Variants in OFD1 observed in about 807,000 individuals in gnomAD.
OFD1 encodes the protein OFD1 centriole and centriolar satellite protein.
Under a neutral mutation model 81.4 loss-of-function variants are expected in OFD1, and 12 were observed. The observed-to-expected ratio is 0.15, with a 90% confidence interval of 0.09 to 0.24. OFD1 has a LOEUF of 0.24. Among genes scored for constraint, OFD1 ranks in the 10% least tolerant of loss-of-function variants. The pLI is 1.00. For missense variants in OFD1, 685 were observed against 733.9 expected (o/e 0.93, Z 0.77); for synonymous variants, 256 against 263.7 (o/e 0.97, Z 0.28).
Position 13,769,155 on chromosome X carries a change from G to C in OFD1, c.*47G>C, listed in dbSNP as rs202080584. Reference sequence around the variant, plus strand: ...TAACTTACATACCGTGAGAAGTTACGTAACATTTACTCCTTTGTAAATGTT... The same window carrying C: ...TAACTTACATACCGTGAGAAGTTACCTAACATTTACTCCTTTGTAAATGTT... On this transcript the variant is annotated 3_prime_UTR_variant, in exon 23 of 23. Transcript: ENST00000340096. The C allele has an allele frequency of 1.0e-5, 10 of 993,995 alleles. No individual in the cohort carries two copies. Among genetic ancestry groups the C allele is most frequent in the African/African-American group, 7.5e-5 (4 of 53,037 alleles). The allele number at this position is 993,995 out of a possible 1,213,427, so 81.9% of individuals were successfully genotyped here. A position where few individuals can be genotyped will look rare whatever the true frequency, so the allele number is the denominator to read the frequency against.
At chrX:13,768,596 TAA>T (rs928666787) in intron 21 of OFD1, 120 bp from the exon 22 acceptor site, 4 of 598,983 alleles carry the variant, frequency 6.7e-6, no homozygotes, top group Non-Finnish European at 1.1e-5. Context: ...ATTTCATGTT[TAA>T]AAGTCACCTC....
intron 5 of OFD1, chrX:13,740,269 T>G: frequency 3.0e-6 from 2 of 672,150 alleles, no homozygotes; most frequent in Non-Finnish European, 4.1e-6. Context: ...TCTCTGTGAT[T>G]ATGGAAATGT....
chrX:13,716,201 T>C, the OFD1 span: 176 of 841,144 alleles, frequency 2.1e-4, no homozygotes, highest in Non-Finnish European at 2.2e-4. Context: ...GATGGAAAAG[T>C]TGAATATATA....
intron 18 of OFD1, among the ~76,000 whole-genome samples, chrX:13,763,099 T>G (rs1403941483): frequency 8.9e-6 from 1 of 112,718 alleles, no homozygotes; most frequent in Admixed American, 9.4e-5. Context: ...ATATACTGAT[T>G]CAGTTGATTG....
In OFD1 at chrX:13,746,803, G is replaced by A. The variant is rs2047314719; in HGVS notation, c.678G>A (p.Glu226=). 1.2e-5 allele frequency: 15 copies of A among 1,200,939 alleles called. No homozygotes were observed. The highest frequency in any genetic ancestry group is 1.7e-5 in the Non-Finnish European group (15 of 888,218). Residue 226 remains glutamate, a synonymous_variant, in exon 8 of 23, where the codon GAG becomes GAA. Coordinates refer to ENST00000340096, the MANE Select transcript of OFD1 (RefSeq NM_003611.3). Reference sequence around the variant, plus strand: ...AGTTGAAGTTTTTTAAAGATACCGAGATAGCAAAAATTAAAATGGAAGCAA... The same window carrying A: ...AGTTGAAGTTTTTTAAAGATACCGAAATAGCAAAAATTAAAATGGAAGCAA... ...CQKLKFFKDT[E]IAKIKMEAKK...
chrX:13,735,196 C>A lies in OFD1; in HGVS notation c.13-52C>A, dbSNP rs1886420175. 3 of 1,193,239 alleles carry A rather than the reference C, an allele frequency of 2.5e-6. No homozygotes were observed. In the East Asian group the frequency reaches 8.9e-5, roughly 35 times the overall value. On this transcript the variant is annotated intron_variant, in intron 1 of 22. Coordinates refer to ENST00000340096, the MANE Select transcript of OFD1 (RefSeq NM_003611.3). ...CGGAGGCCACTGGTCTGTTTTCAGA[C>A]GTTCACGTTCCCTCTGCCCCGCAGG...
the OFD1 span, among the ~76,000 whole-genome samples, chrX:13,726,884 T>G: frequency 1.8e-5 from 2 of 111,707 alleles, no homozygotes; most frequent in African/African-American, 6.5e-5. Flanking sequence ...AAGACACACA[T>G]AGGCTCAAAA....
At chrX:13,771,000 T>C (rs566837532), downstream of OFD1, 3 of 112,646 alleles carry the variant, frequency 2.7e-5, no homozygotes, top group East Asian at 8.3e-4. Flanking sequence ...TCCACCTAAA[T>C]AGATCTTTAA....
In OFD1 at chrX:13,753,576, T is replaced by C. The variant is rs2047584710; in HGVS notation, c.1129+135T>C. 1.8e-5 allele frequency: 10 copies of C among 558,199 alleles called. No homozygotes were observed. The East Asian group carries it at 3.8e-4, about 21-fold the overall frequency. The allele number at this position is 558,199 out of a possible 1,213,427, so 46.0% of individuals were successfully genotyped here. A position where few individuals can be genotyped will look rare whatever the true frequency, so the allele number is the denominator to read the frequency against. On this transcript the variant is annotated intron_variant, in intron 11 of 22. Coordinates refer to ENST00000340096, the MANE Select transcript of OFD1 (RefSeq NM_003611.3). ...TTCATACAAAATTACACATTTTTTG[T>C]AATTTTAATTTTATAAATTAAAAAT...
chrX:13,723,613 T>G, the OFD1 span, among the ~76,000 whole-genome samples: 1 of 112,080 alleles, frequency 8.9e-6, no homozygotes, highest in Non-Finnish European at 1.9e-5. Context: ...ACTGTGTATG[T>G]ATGGTCTGCT....
intron 19 of OFD1, among the ~76,000 whole-genome samples, chrX:13,764,107 C>T (rs952695294): frequency 9.0e-6 from 1 of 111,671 alleles, no homozygotes; most frequent in Non-Finnish European, 1.9e-5. Flanking sequence ...CTTCCCAGGC[C>T]AGTTGCTTAA....
At chrX:13,728,324 C>T in the OFD1 span, among the ~76,000 whole-genome samples, 787 of 111,756 alleles carry the variant, frequency 7.0e-3, 4 homozygotes, top group African/African-American at 0.023. Context: ...CCAATATCCC[C>T]GATGAACATT....
chrX:13,759,526 C>T (rs746414281), intron 15 of OFD1, among the ~76,000 whole-genome samples: 1 of 111,716 alleles, frequency 9.0e-6, no homozygotes, highest in East Asian at 2.8e-4. Context: ...AACCGTGTGA[C>T]CCAGCCTCAG....
chrX:13,758,275 C>T (rs930662580), intron 14 of OFD1, 62 bp from the exon 15 acceptor site: 2 of 827,689 alleles, frequency 2.4e-6, no homozygotes, highest in Admixed American at 4.6e-5. Flanking sequence ...AGAACTTTTC[C>T]TTTTGAAGCA....
the OFD1 span, among the ~76,000 whole-genome samples, chrX:13,725,793 G>T: frequency 1.8e-5 from 2 of 111,929 alleles, no homozygotes; most frequent in African/African-American, 6.5e-5. Context: ...CAAAAGGTCG[G>T]TAATAACAAA....
the OFD1 span, among the ~76,000 whole-genome samples, chrX:13,728,367 C>A: frequency 8.9e-6 from 1 of 111,852 alleles, no homozygotes; most frequent in Non-Finnish European, 1.9e-5. Flanking sequence ...TACTGGCAAA[C>A]CGAATCCAGT....
At chrX:13,755,080 A>G in intron 11 of OFD1, 71 bp from the exon 12 acceptor site, 2 of 768,305 alleles carry the variant, frequency 2.6e-6, no homozygotes, top group South Asian at 4.2e-5. Flanking sequence ...CATACTGGCC[A>G]TAAATATTAA....
chrX:13,754,651 G>T (rs1420055606), intron 11 of OFD1, among the ~76,000 whole-genome samples: 1 of 111,191 alleles, frequency 9.0e-6, no homozygotes, highest in Non-Finnish European at 1.9e-5. Context: ...CAGGTGGTCC[G>T]CCTGACTTGG....
At chrX:13,716,410 G>A in the OFD1 span, 1 of 880,783 alleles carries the variant, frequency 1.1e-6, no homozygotes, top group Non-Finnish European at 1.6e-6. Context: ...CCCATAAATG[G>A]AAACTTACAT....
Sources: gnomAD v4.1 joint callset for allele counts (sites outside exome capture counted in the v4.1 genomes callset) on GRCh38, gnomAD v4.1.1 for gene constraint, MANE v1.5 for transcripts, NCBI Gene and HGNC (gene_info 2026-07-23, HGNC 2026-07-21) for gene names.